KCND2: variants seen among roughly 807,000 people sequenced by gnomAD.
The protein encoded by KCND2 is potassium voltage-gated channel subfamily D member 2, also known as A-type voltage-gated potassium channel KCND2.
KCND2 carries 16 observed loss-of-function variants against 54.4 expected under a neutral mutation model. The observed-to-expected ratio is 0.29, with a 90% CI of 0.20 to 0.45. The LOEUF (loss-of-function observed/expected upper bound fraction) is 0.45, where lower values mean the gene tolerates loss of function less well. Ranked by LOEUF, KCND2 falls within the 20% of genes least tolerant of loss-of-function variation. The pLI, the probability that KCND2 is intolerant of heterozygous loss-of-function variation, is 1.00. For synonymous variants in KCND2, 317 were observed against 310.7 expected, an observed-to-expected ratio of 1.02 and a Z score of -0.21; for missense variants, 486 against 824.2, an observed-to-expected ratio of 0.59 and a Z score of 5.02.
intron 1 of KCND2, among the ~76,000 whole-genome samples, chr7:120,481,091 G>A (rs1483267927): frequency 6.6e-6 from 1 of 152,198 alleles, no homozygotes; most frequent in Non-Finnish European, 1.5e-5. Context: ...ACCAATGCTG[G>A]TAAAGGCCAG....
chr7:120,306,591 G>A (rs1799653653), intron 1 of KCND2, among the ~76,000 whole-genome samples: 2 of 151,828 alleles, frequency 1.3e-5, no homozygotes, highest in African/African-American at 4.8e-5. Flanking sequence ...AGATATGTTT[G>A]CAAAAATATC....
chr7:120,574,148 A>G (rs1282984012), intron 1 of KCND2, among the ~76,000 whole-genome samples: 2 of 152,194 alleles, frequency 1.3e-5, no homozygotes, highest in African/African-American at 4.8e-5. Flanking sequence ...CTTTCACTAA[A>G]TAGGTAAAGG....
At chr7:120,456,311 A>T (rs545877443) in intron 1 of KCND2, among the ~76,000 whole-genome samples, 1 of 152,328 alleles carries the variant, frequency 6.6e-6, no homozygotes, top group Non-Finnish European at 1.5e-5. Flanking sequence ...CTCTACCATG[A>T]ACCCATCTCT....
At chr7:120,600,654 A>G (rs1792802657) in intron 1 of KCND2, among the ~76,000 whole-genome samples, 1 of 152,090 alleles carries the variant, frequency 6.6e-6, no homozygotes, top group Non-Finnish European at 1.5e-5. Context: ...TTACCGGATG[A>G]GCATCATTGC....
intron 1 of KCND2, among the ~76,000 whole-genome samples, chr7:120,447,973 A>T (rs1802041511): frequency 6.6e-6 from 1 of 152,182 alleles, no homozygotes. Flanking sequence ...ATGAATTATT[A>T]GTTTGAAAAT....
intron 1 of KCND2, among the ~76,000 whole-genome samples, chr7:120,536,349 T>C (rs1475830355): frequency 6.6e-6 from 1 of 152,200 alleles, no homozygotes; most frequent in Non-Finnish European, 1.5e-5. Context: ...GGTTGCTGAC[T>C]GATCACGGTG....
chr7:120,686,810 C>T (rs1407506487), intron 1 of KCND2, among the ~76,000 whole-genome samples: 1 of 152,146 alleles, frequency 6.6e-6, no homozygotes, highest in Non-Finnish European at 1.5e-5. Context: ...ACCAGTTAAA[C>T]TCTGCCATTT....
At chr7:120,480,496 T>C (rs967651251) in intron 1 of KCND2, among the ~76,000 whole-genome samples, 8 of 152,232 alleles carry the variant, frequency 5.3e-5, no homozygotes, top group African/African-American at 1.7e-4. Context: ...ATTGACTATA[T>C]GTAATGAGTT....
chr7:120,655,899 T>C (rs1467145475), intron 1 of KCND2, among the ~76,000 whole-genome samples: 2 of 152,126 alleles, frequency 1.3e-5, no homozygotes, highest in East Asian at 3.8e-4. Flanking sequence ...TCTATATTTC[T>C]AGTCAATCTA....
chr7:120,505,275 C>T (rs997618140), intron 1 of KCND2, among the ~76,000 whole-genome samples: 4 of 151,664 alleles, frequency 2.6e-5, no homozygotes, highest in African/African-American at 4.8e-5. Flanking sequence ...TCCTCCCTCC[C>T]TCTTCCCCTT....
intron 1 of KCND2, among the ~76,000 whole-genome samples, chr7:120,447,594 A>G (rs1473787632): frequency 1.3e-5 from 2 of 152,164 alleles, no homozygotes; most frequent in Admixed American, 6.5e-5. Flanking sequence ...CTGTGAGAAT[A>G]ATAAACTTTG....
intron 1 of KCND2, among the ~76,000 whole-genome samples, chr7:120,690,976 A>G (rs541288652): frequency 1.3e-5 from 2 of 152,182 alleles, no homozygotes; most frequent in Non-Finnish European, 2.9e-5. Context: ...TGGTCAGAAA[A>G]GTCTACACCA....
chr7:120,475,887 A>T (rs1802527435), intron 1 of KCND2, among the ~76,000 whole-genome samples: 1 of 152,188 alleles, frequency 6.6e-6, no homozygotes, highest in Non-Finnish European at 1.5e-5. Context: ...CCACTAAATC[A>T]CTTCCCTGTT....
chr7:120,445,092 C>T (rs934311243), intron 1 of KCND2, among the ~76,000 whole-genome samples: 6 of 151,948 alleles, frequency 3.9e-5, no homozygotes, highest in Non-Finnish European at 7.4e-5. Flanking sequence ...TTGTTATCCT[C>T]GATATCACTA....
Position 120,355,821 on chromosome 7 carries a change from T to C in KCND2, c.1115+80074T>C, listed in dbSNP as rs992723102. Reference sequence around the variant, plus strand: ...GGAAATTCATGCAACAGAAACCATGTCGTCATCGAAATTTGTTGTTATTTA... The same window carrying C: ...GGAAATTCATGCAACAGAAACCATGCCGTCATCGAAATTTGTTGTTATTTA... On this transcript the variant is annotated intron_variant, in intron 1 of 5. Coordinates refer to ENST00000331113, the MANE Select transcript of KCND2 (RefSeq NM_012281.3). 2.0e-5 allele frequency among the ~76,000 whole-genome samples: 3 copies of C among 152,204 alleles called. No homozygotes were observed. In the East Asian group the frequency reaches 5.8e-4, roughly 29 times the overall value.
chr7:120,578,932 ACACACACACG>A (rs1792476116), intron 1 of KCND2, among the ~76,000 whole-genome samples: 2 of 152,040 alleles, frequency 1.3e-5, no homozygotes, highest in African/African-American at 2.4e-5. Flanking sequence ...ACACACACAC[ACACACACACG>A]CACACAAAGA....
At chr7:120,623,758 A>G (rs899920035) in intron 1 of KCND2, among the ~76,000 whole-genome samples, 2 of 152,194 alleles carry the variant, frequency 1.3e-5, no homozygotes, top group Non-Finnish European at 2.9e-5. Flanking sequence ...CAGAGGGAGG[A>G]GGTATAGAAA....
intron 1 of KCND2, among the ~76,000 whole-genome samples, chr7:120,655,303 TAATC>T (rs1453093951): frequency 6.6e-6 from 1 of 152,014 alleles, no homozygotes; most frequent in African/African-American, 2.4e-5. Flanking sequence ...TGAGGCATAA[TAATC>T]AAAGAAAAAA....
intron 1 of KCND2, among the ~76,000 whole-genome samples, chr7:120,277,164 A>C (rs768836566): frequency 3.3e-5 from 5 of 152,128 alleles, no homozygotes; most frequent in Non-Finnish European, 5.9e-5. Context: ...GAAAAATACA[A>C]TGATTTATGA....
Sources: allele counts gnomAD v4.1 joint callset (sites outside exome capture counted in the v4.1 genomes callset), GRCh38; gene constraint gnomAD v4.1.1; transcripts MANE v1.5; gene names NCBI Gene and HGNC (gene_info 2026-07-23, HGNC 2026-07-21).